The following LHFPL2 variants were observed in gnomAD, a reference collection of about 807,000 sequenced individuals.
LHFPL2 encodes LHFPL tetraspan subfamily member 2 protein.
Under a neutral mutation model 17.5 loss-of-function variants are expected in LHFPL2, and 7 were observed. That is an observed-to-expected ratio of 0.40 (90% CI 0.23 to 0.75). The LOEUF is 0.75. Ranked by LOEUF, LHFPL2 falls within the 30% of genes least tolerant of loss-of-function variation. The pLI is 0.37. For missense variants in LHFPL2, 241 were observed against 294.8 expected, an observed-to-expected ratio of 0.82 and a Z score of 1.34; for synonymous variants, 134 against 116.2, an observed-to-expected ratio of 1.15 and a Z score of -0.99.
At chr5:78,643,515 TA>T (rs1315300939) in intron 1 of LHFPL2, among the ~76,000 whole-genome samples, 2 of 152,104 alleles carry the variant, frequency 1.3e-5, no homozygotes, top group Non-Finnish European at 2.9e-5. Context: ...TTTTTTTTAA[TA>T]AAAAAGATTG....
At chr5:78,529,629 C>T (rs938718221) in intron 3 of LHFPL2, among the ~76,000 whole-genome samples, 1 of 145,778 alleles carries the variant, frequency 6.9e-6, no homozygotes, top group African/African-American at 2.5e-5. Context: ...GGCGACAGAG[C>T]GAGACTCCGT....
intron 3 of LHFPL2, among the ~76,000 whole-genome samples, chr5:78,549,521 C>G (rs1054636958): frequency 1.3e-5 from 2 of 152,200 alleles, no homozygotes; most frequent in African/African-American, 4.8e-5. Context: ...ACTCTGAGAT[C>G]AAAGCAATCC....
chr5:78,527,586 T>C (rs1447037799), intron 3 of LHFPL2, among the ~76,000 whole-genome samples: 2 of 152,006 alleles, frequency 1.3e-5, no homozygotes, highest in Non-Finnish European at 2.9e-5. Context: ...ACGAACTTTG[T>C]ATATAAAGTC....
intron 4 of LHFPL2, among the ~76,000 whole-genome samples, chr5:78,492,563 G>C (rs978395963): frequency 6.6e-6 from 1 of 152,214 alleles, no homozygotes; most frequent in Non-Finnish European, 1.5e-5. Flanking sequence ...AGCATTAATT[G>C]CCCTGAGGCG....
rs565199440 is a variant in LHFPL2, at chr5:78,485,910, T to C, written c.*2987A>G. 1 of 152,732 alleles carries C rather than the reference T, an allele frequency of 6.5e-6. No homozygotes were observed. Among genetic ancestry groups the C allele is most frequent in the African/African-American group, 2.4e-5 (1 of 41,570 alleles). The allele number at this position is 152,732 out of a possible 1,614,324, so 9.5% of individuals were successfully genotyped here. On this transcript the variant is annotated 3_prime_UTR_variant, in exon 5 of 5. Transcript: ENST00000380345. ...TTCTTCACATAAGATTTGTGTAGCA[T>C]TAAAATTATGGGTTACTGAATAAGC...
chr5:78,563,392 G>C (rs1756779781), intron 3 of LHFPL2, among the ~76,000 whole-genome samples: 1 of 152,008 alleles, frequency 6.6e-6, no homozygotes, highest in Non-Finnish European at 1.5e-5. Context: ...TAAATACGGA[G>C]TAGATAAAGA....
At chr5:78,624,514 G>C (rs989693862) in intron 2 of LHFPL2, among the ~76,000 whole-genome samples, 4 of 152,180 alleles carry the variant, frequency 2.6e-5, no homozygotes, top group Non-Finnish European at 5.9e-5. Context: ...TGGGAGGAGG[G>C]CCCAGAGTGG....
At position 78,535,481 on chromosome 5, in the gene LHFPL2, C is replaced by T. The variant is rs376022256; in HGVS notation, c.-185-25083G>A. Among the ~76,000 whole-genome samples, 30 of 152,228 alleles carry T rather than the reference C, an allele frequency of 2.0e-4. No homozygotes were observed. The Middle Eastern group carries it at 0.01, about 52-fold the overall frequency. Reference sequence around the variant, plus strand: ...GGGGAGGAATAAAGGAGAGCAAAGACGACCTAGGACCCCCTCTCCCACCAG... The same window carrying T: ...GGGGAGGAATAAAGGAGAGCAAAGATGACCTAGGACCCCCTCTCCCACCAG... On this transcript the variant is annotated intron_variant, in intron 3 of 4. Transcript: ENST00000380345.
At chr5:78,567,474 T>C (rs779836271) in intron 2 of LHFPL2, among the ~76,000 whole-genome samples, 1 of 152,214 alleles carries the variant, frequency 6.6e-6, no homozygotes, top group Non-Finnish European at 1.5e-5. Flanking sequence ...CTGTCAGGCA[T>C]TGTTCTATGT....
At chr5:78,526,068 C>T (rs984677233) in intron 3 of LHFPL2, among the ~76,000 whole-genome samples, 5 of 152,112 alleles carry the variant, frequency 3.3e-5, no homozygotes, top group African/African-American at 1.2e-4. Flanking sequence ...AGCTGTTCCC[C>T]GGCCCCTCAG....
At chr5:78,507,348 A>G (rs375460763) in intron 4 of LHFPL2, among the ~76,000 whole-genome samples, 147 of 151,858 alleles carry the variant, frequency 9.7e-4, no homozygotes, top group African/African-American at 3.3e-3. Flanking sequence ...AAAAGAAAAG[A>G]AAAAGAAAAA....
intron 2 of LHFPL2, among the ~76,000 whole-genome samples, chr5:78,580,065 A>G (rs1468765979): frequency 6.6e-6 from 1 of 152,136 alleles, no homozygotes; most frequent in Non-Finnish European, 1.5e-5. Context: ...ATGGTATCTC[A>G]TTGTGGTTTT....
chr5:78,555,435 T>A (rs1000310939), intron 3 of LHFPL2, among the ~76,000 whole-genome samples: 1 of 152,212 alleles, frequency 6.6e-6, no homozygotes, highest in Non-Finnish European at 1.5e-5. Context: ...AAACAGACAT[T>A]CACTCATTCT....
rs1013681931 is a variant in LHFPL2 at position 78,486,821 on chromosome 5, A to C, written c.*2076T>G. 6.6e-6 allele frequency: 1 copy of C among 152,170 alleles called. No individual in the cohort carries two copies. The highest frequency in any genetic ancestry group is 1.5e-5 in the Non-Finnish European group (1 of 68,034). The allele number at this position is 152,170 out of a possible 1,614,324, so 9.4% of individuals were successfully genotyped here. ...GAGGATCCTGTGAGCTTAGGACTTA[A>C]CTTGTAAGGACACTGAGATTGTAAA... On this transcript the variant is annotated 3_prime_UTR_variant, in exon 5 of 5. Transcript: ENST00000380345.
At chr5:78,494,278 G>T (rs554461994) in intron 4 of LHFPL2, 5 of 746,970 alleles carry the variant, frequency 6.7e-6, no homozygotes, top group Middle Eastern at 6.8e-4. Flanking sequence ...AGAAGAAATG[G>T]GGGGGAGAAT....
chr5:78,577,455 ATT>A (rs573091607), intron 2 of LHFPL2, among the ~76,000 whole-genome samples: 1 of 151,936 alleles, frequency 6.6e-6, no homozygotes, highest in Non-Finnish European at 1.5e-5. Flanking sequence ...TTCTCTCAAC[ATT>A]TTTTTTAAGT....
At chr5:78,572,923 C>T (rs570147106) in intron 2 of LHFPL2, among the ~76,000 whole-genome samples, 1 of 152,236 alleles carries the variant, frequency 6.6e-6, no homozygotes, top group South Asian at 2.1e-4. Flanking sequence ...AACTTAGATT[C>T]CTCGCACGCA....
Position 78,487,156 on chromosome 5 carries a change from C to T in LHFPL2, c.*1741G>A, listed in dbSNP as rs1311272124. ...AATGGGAAACTCATTAAGGCTAGTT[C>T]CACACCTCCCACCCCTTTTGCCCTT... On this transcript the variant is annotated 3_prime_UTR_variant, in exon 5 of 5. Transcript: ENST00000380345. 1 of 152,146 alleles carries T rather than the reference C, an allele frequency of 6.6e-6. No individual in the cohort carries two copies. The highest frequency in any genetic ancestry group is 2.4e-5 in the African/African-American group (1 of 41,428). 9.4% of individuals were successfully genotyped at this position (152,146 alleles called of 1,614,324 possible).
chr5:78,587,667 A>C (rs1337068280), intron 2 of LHFPL2, among the ~76,000 whole-genome samples: 1 of 152,264 alleles, frequency 6.6e-6, no homozygotes, highest in Non-Finnish European at 1.5e-5. Flanking sequence ...CAGCTACAGG[A>C]CAAAACACCA....
Sources: gnomAD v4.1 joint callset for allele counts (sites outside exome capture counted in the v4.1 genomes callset) on GRCh38, gnomAD v4.1.1 for gene constraint, MANE v1.5 for transcripts, NCBI Gene and HGNC (gene_info 2026-07-23, HGNC 2026-07-21) for gene names.